Variants in EML6 observed in about 807,000 individuals in gnomAD.
EML6 encodes the protein EMAP like 6.
EML6 carries 154 observed loss-of-function variants against 240.1 expected under a neutral mutation model. The ratio of observed to expected loss-of-function variants is 0.64; its 90% CI spans 0.56 to 0.73. The LOEUF is 0.73. EML6 is among the 30% of genes least tolerant of loss of function. The pLI is 0.00. For synonymous variants in EML6, 1,148 were observed against 899.0 expected, an observed-to-expected ratio of 1.28 and a Z score of -4.95; for missense variants, 2,964 against 2,474.6, an observed-to-expected ratio of 1.20 and a Z score of -4.20.
At chr2:54,828,041 C>G (rs995591274) in intron 6 of EML6, among the ~76,000 whole-genome samples, 2 of 152,218 alleles carry the variant, frequency 1.3e-5, no homozygotes, top group African/African-American at 4.8e-5. Flanking sequence ...AGGCACTTCT[C>G]AAACTTTAAT....
intron 9 of EML6, among the ~76,000 whole-genome samples, chr2:54,849,482 A>G (rs1379689139): frequency 6.6e-6 from 1 of 152,202 alleles, no homozygotes; most frequent in Non-Finnish European, 1.5e-5. Context: ...ACAGTTTGTT[A>G]TTCTCCTAAA....
intron 16 of EML6, among the ~76,000 whole-genome samples, chr2:54,874,463 C>G (rs754113767): frequency 6.6e-6 from 1 of 152,172 alleles, no homozygotes; most frequent in Admixed American, 6.5e-5. Context: ...TTTAACAATA[C>G]AGTCTCCATT....
At chr2:54,923,141 A>G (rs1019574511) in intron 26 of EML6, among the ~76,000 whole-genome samples, 1 of 151,898 alleles carries the variant, frequency 6.6e-6, no homozygotes, top group Non-Finnish European at 1.5e-5. Flanking sequence ...GGGTTTCTCC[A>G]TGTTGATCAG....
At chr2:54,862,262 C>T (rs529712868) in intron 12 of EML6, among the ~76,000 whole-genome samples, 9 of 141,596 alleles carry the variant, frequency 6.4e-5, no homozygotes, top group East Asian at 2.1e-4. Context: ...TTGCTTGAAC[C>T]GGGAGGTGAA....
chr2:54,872,978 C>T (rs1671332737), intron 16 of EML6, among the ~76,000 whole-genome samples: 1 of 152,204 alleles, frequency 6.6e-6, no homozygotes, highest in Non-Finnish European at 1.5e-5. Flanking sequence ...ACACAGTAAA[C>T]TACTTGGCAG....
chr2:54,778,743 T>A (rs1668707268), intron 2 of EML6, among the ~76,000 whole-genome samples: 1 of 151,302 alleles, frequency 6.6e-6, no homozygotes. Flanking sequence ...ACAAAAAAAA[T>A]TAGCTGCGTG....
chr2:54,853,827 A>G lies in EML6; in HGVS notation c.1629A>G (p.Lys543=). 2 of 1,551,446 alleles carry G rather than the reference A, an allele frequency of 1.3e-6. No individual in the cohort carries two copies. The highest frequency in any genetic ancestry group is 1.7e-6 in the Non-Finnish European group (2 of 1,146,830). ...LVSGDDFGLV[K]LFKFPCLKRG... is the part of the protein sequence containing the mutation. ...CTGGAGATGATTTTGGACTGGTTAAATTGTTTAAATTTCCTTGTCTCAAGA... is the reference window on the plus strand; with the variant it reads ...CTGGAGATGATTTTGGACTGGTTAAGTTGTTTAAATTTCCTTGTCTCAAGA... Residue 543 remains lysine, a synonymous_variant, in exon 11 of 42, where the codon AAA becomes AAG. Transcript: ENST00000356458.
Position 54,850,226 on chromosome 2 carries a change from A to G in EML6, c.1444+8A>G. 1.3e-6 allele frequency: 2 copies of G among 1,549,480 alleles called. No homozygotes were observed. The highest frequency in any genetic ancestry group is 1.7e-6 in the Non-Finnish European group (2 of 1,145,164). On this transcript the variant is annotated splice_region_variant and intron_variant, in intron 10 of 41. Transcript: ENST00000356458. ...TGTTCTACAGAATGCCATGTAAGTCATGTGGAGGCCTTGGATGTTTCTGGA... is the reference window on the plus strand; with the variant it reads ...TGTTCTACAGAATGCCATGTAAGTCGTGTGGAGGCCTTGGATGTTTCTGGA...
Position 54,949,615 on chromosome 2 carries a change from C to T in EML6, c.4083+655C>T, listed in dbSNP as rs143067389. On this transcript the variant is annotated intron_variant, in intron 29 of 41. Coordinates refer to ENST00000356458, the MANE Select transcript of EML6 (RefSeq NM_001039753.4). ...CTCCACCCTCTCTCTCTGACACATG[C>T]CCCAATGCCTCCAGAGTTGGTTTTT... 3.9e-3 allele frequency among the ~76,000 whole-genome samples: 589 copies of T among 152,300 alleles called. 2 individuals carry two copies. Among genetic ancestry groups the T allele is most frequent in the Non-Finnish European group, 7.1e-3 (486 of 68,026 alleles).
At chr2:54,851,500 CATA>C (rs139433475) in intron 10 of EML6, among the ~76,000 whole-genome samples, 8,327 of 152,184 alleles carry the variant, frequency 0.055, 350 homozygotes, top group South Asian at 0.15. Context: ...GTGATAAAGA[CATA>C]ATGTTAGGAT....
chr2:54,966,478 C>G (rs2104553975), intron 38 of EML6, among the ~76,000 whole-genome samples: 1 of 152,330 alleles, frequency 6.6e-6, no homozygotes, highest in Middle Eastern at 3.4e-3. Flanking sequence ...CTTTAGAAGA[C>G]TCCCAGAGCA....
intron 19 of EML6, among the ~76,000 whole-genome samples, chr2:54,894,624 C>CTGGG (rs1204830207): frequency 6.6e-6 from 1 of 151,172 alleles, no homozygotes; most frequent in African/African-American, 2.5e-5. Flanking sequence ...GGTTGGGAGA[C>CTGGG]TGGGCACAAG....
chr2:54,847,698 A>G (rs987666560), intron 9 of EML6, 75 bp downstream of exon 9: 4 of 1,469,668 alleles, frequency 2.7e-6, no homozygotes, highest in Non-Finnish European at 3.7e-6. Flanking sequence ...GTCATAATAC[A>G]TGCTAGGACC....
rs890964341 is a variant in EML6 at position 54,879,632 on chromosome 2, C to T, written c.2430C>T (p.Ala810=). The T allele has an allele frequency of 1.9e-5, 30 of 1,546,882 alleles. No individual in the cohort carries two copies. In the African/African-American group the frequency reaches 3.7e-4, roughly 19 times the overall value. ...ACTGGAAAAAGGGAGAAAAGATAGC[C>T]ACAACAAGGTAAGAAGCTGCCGGGA... The part of the protein sequence containing the change: ...FWDWKKGEKI[A]TTRGHKDKIF... The change falls in exon 17 of 42, where the codon GCC becomes GCT. Residue 810 remains alanine, a synonymous_variant. Coordinates refer to ENST00000356458, the MANE Select transcript of EML6 (RefSeq NM_001039753.4).
chr2:54,872,110 G>A (rs367856430), intron 16 of EML6, among the ~76,000 whole-genome samples: 17 of 152,006 alleles, frequency 1.1e-4, no homozygotes, highest in Non-Finnish European at 1.3e-4. Flanking sequence ...CTTTTATATC[G>A]AAAAAATAGA....
rs781349139 is a variant in EML6 at position 54,844,201 on chromosome 2, C to T, written c.1002C>T (p.His334=). ...GTGAGCTCTGGGCTCTGGCCCTGCA[C>T]CCCAAGAAGCCTCTGGCTGTGACAG... is the stretch of plus-strand genomic sequence containing the variant. ...CEGELWALAL[H]PKKPLAVTGS... Residue 334 remains histidine, a synonymous_variant, in exon 8 of 42, where the codon CAC becomes CAT. Transcript: ENST00000356458. The T allele has an allele frequency of 1.0e-5, 16 of 1,551,564 alleles. No homozygotes were observed.
chr2:54,820,432 A>G lies in EML6; in HGVS notation c.495A>G (p.Arg165=), dbSNP rs751201606. Reference sequence around the variant, plus strand: ...CCTGGGATCCATATCAGCCAAACAGAGTGGTTAGCTGTGGAGTAAAACACA... The same window carrying G: ...CCTGGGATCCATATCAGCCAAACAGGGTGGTTAGCTGTGGAGTAAAACACA... ...DISWDPYQPN[R]VVSCGVKHIK... Residue 165 remains arginine (R), a synonymous_variant, in exon 5 of 42, where the codon AGA becomes AGG. Coordinates refer to ENST00000356458, the MANE Select transcript of EML6 (RefSeq NM_001039753.4). 1.9e-6 allele frequency: 3 copies of G among 1,550,348 alleles called. No individual in the cohort carries two copies. Among genetic ancestry groups the G allele is most frequent in the South Asian group, 2.4e-5 (2 of 83,788 alleles).
At chr2:54,801,487 T>C (rs971985895) in intron 2 of EML6, among the ~76,000 whole-genome samples, 1 of 152,336 alleles carries the variant, frequency 6.6e-6, no homozygotes. Flanking sequence ...AGTTTATTCA[T>C]GCTTGACTCT....
At chr2:54,734,334 T>C (rs1683300155) in intron 2 of EML6, among the ~76,000 whole-genome samples, 1 of 152,168 alleles carries the variant, frequency 6.6e-6, no homozygotes, top group Admixed American at 6.5e-5. Flanking sequence ...TGATTCTCCA[T>C]CTCAAAAAAT....
Sources: allele counts gnomAD v4.1 joint callset (sites outside exome capture counted in the v4.1 genomes callset), GRCh38; gene constraint gnomAD v4.1.1; transcripts MANE v1.5; gene names NCBI Gene and HGNC (gene_info 2026-07-23, HGNC 2026-07-21).